The following CEP83 variants were observed in gnomAD, a reference collection of about 807,000 sequenced individuals.
CEP83 encodes the protein centrosomal protein 83.
In CEP83, 70 loss-of-function variants were observed where a neutral mutation model predicts 101.9. That is an observed-to-expected ratio of 0.69 (90% CI 0.57 to 0.84). CEP83 has a LOEUF of 0.84. Ranked by LOEUF, CEP83 falls within the 40% of genes least tolerant of loss-of-function variation. The probability of loss-of-function intolerance (pLI) is 0.00; values close to 1 mark genes in which losing one functional copy is unlikely to be tolerated. For missense variants in CEP83, 715 were observed against 787.2 expected (o/e 0.91, Z 1.10); for synonymous variants, 264 against 267.9 (o/e 0.99, Z 0.14).
chr12:94,378,835 C>T lies in CEP83; in HGVS notation c.757G>A (p.Val253Met), dbSNP rs190707683. 3 of 1,614,108 alleles carry T rather than the reference C, an allele frequency of 1.9e-6. No homozygotes were observed. Among genetic ancestry groups the T allele is most frequent in the Admixed American group, 3.3e-5 (2 of 59,996 alleles). ...AQVENAQRIQ[V>M]RQLAEMQATV... is the part of the protein sequence containing the mutation. ...GCCTGCATCTCAGCCAACTGCCGCA[C>T]CTGTATTCTTTGGGCATTTTCCACC... The change falls in exon 7 of 17, where the codon GTG (valine) becomes ATG (methionine). Residue 253 changes from valine (V) to methionine (M), a missense_variant. Physicochemically the swap from Val to Met is conservative, Grantham distance 21 (BLOSUM62 1). Coordinates refer to ENST00000397809, the MANE Select transcript of CEP83 (RefSeq NM_016122.3).
In CEP83 at chr12:94,452,197, T is replaced by A. The variant is rs376381096; in HGVS notation, c.-155+7360A>T. Reference sequence around the variant, plus strand: ...TCTGGGGCTGTGGGAAGGAGTTACCTTAAATGCAAATAAGCTTGAGAGAAT... The same window carrying A: ...TCTGGGGCTGTGGGAAGGAGTTACCATAAATGCAAATAAGCTTGAGAGAAT... On this transcript the variant is annotated intron_variant, in intron 1 of 16. Coordinates refer to ENST00000397809, the MANE Select transcript of CEP83 (RefSeq NM_016122.3). 4.6e-5 allele frequency among the ~76,000 whole-genome samples: 7 copies of A among 152,256 alleles called. 1 individual carries two copies. Among genetic ancestry groups the A allele is most frequent in the African/African-American group, 1.7e-4 (7 of 41,560 alleles).
At chr12:94,332,894 G>A (rs1174179758) in intron 13 of CEP83, among the ~76,000 whole-genome samples, 1 of 151,910 alleles carries the variant, frequency 6.6e-6, no homozygotes, top group Non-Finnish European at 1.5e-5. Flanking sequence ...AGGCCAACAT[G>A]TTATAAAGAC....
intron 4 of CEP83, among the ~76,000 whole-genome samples, chr12:94,408,605 G>T (rs2063694121): frequency 6.6e-6 from 1 of 151,530 alleles, no homozygotes; most frequent in East Asian, 1.9e-4. Flanking sequence ...TTTGAGTCAG[G>T]GTCTCGCGCT....
chr12:94,377,996 GA>G (rs144226819), intron 7 of CEP83, among the ~76,000 whole-genome samples: 11 of 148,874 alleles, frequency 7.4e-5, no homozygotes, highest in East Asian at 2.0e-4. Context: ...ACTGGCTGGG[GA>G]AAAAAAAAAT....
At chr12:94,290,669 G>C in the CEP83 span, among the ~76,000 whole-genome samples, 4 of 152,258 alleles carry the variant, frequency 2.6e-5, no homozygotes, top group Non-Finnish European at 4.4e-5. Flanking sequence ...AAGGAGATTA[G>C]GTTTTAATCC....
At chr12:94,375,421 G>A (rs143701862) in intron 8 of CEP83, among the ~76,000 whole-genome samples, 2 of 152,256 alleles carry the variant, frequency 1.3e-5, no homozygotes, top group Non-Finnish European at 2.9e-5. Flanking sequence ...AGGCCAAAGG[G>A]AGCAAAGTGA....
At chr12:94,380,071 C>CAAA (rs11362391) in intron 6 of CEP83, among the ~76,000 whole-genome samples, 4 of 83,182 alleles carry the variant, frequency 4.8e-5, no homozygotes, top group Non-Finnish European at 4.7e-5. Context: ...CCCGGCCCTG[C>CAAA]AAAAAAAAAA....
intron 11 of CEP83, among the ~76,000 whole-genome samples, chr12:94,343,303 G>C (rs1423019474): frequency 6.6e-6 from 1 of 151,916 alleles, no homozygotes; most frequent in African/African-American, 2.4e-5. Flanking sequence ...TGCAGGGTCA[G>C]CACCGTGAGA....
chr12:94,276,381 T>A, the CEP83 span, among the ~76,000 whole-genome samples: 3 of 147,824 alleles, frequency 2.0e-5, no homozygotes, highest in African/African-American at 5.0e-5. Context: ...CTCCCACTGG[T>A]GTGGGGAATT....
intron 8 of CEP83, 59 bp from the exon 9 acceptor site, chr12:94,370,095 C>A (rs1024969690): frequency 6.4e-6 from 6 of 933,872 alleles, no homozygotes; most frequent in African/African-American, 1.6e-5. Context: ...TCAATACTTA[C>A]CCCAAAACAT....
intron 6 of CEP83, among the ~76,000 whole-genome samples, chr12:94,383,990 G>A (rs542071240): frequency 6.6e-6 from 1 of 152,028 alleles, no homozygotes; most frequent in Admixed American, 6.5e-5. Context: ...ACAAAATTTA[G>A]AAAATTCATG....
chr12:94,370,721 C>CT (rs1357591829), intron 8 of CEP83, among the ~76,000 whole-genome samples: 1 of 152,136 alleles, frequency 6.6e-6, no homozygotes, highest in East Asian at 1.9e-4. Context: ...GATACAGTAA[C>CT]TTGCACCTAA....
the CEP83 span, among the ~76,000 whole-genome samples, chr12:94,276,259 G>C: frequency 6.6e-6 from 1 of 152,152 alleles, no homozygotes; most frequent in East Asian, 1.9e-4. Flanking sequence ...AACTGAAGTA[G>C]CTTAACTGCA....
chr12:94,408,262 T>C (rs2063668756), intron 4 of CEP83, among the ~76,000 whole-genome samples: 1 of 152,214 alleles, frequency 6.6e-6, no homozygotes, highest in African/African-American at 2.4e-5. Flanking sequence ...CATTTAATAA[T>C]CTAAAATAGG....
chr12:94,303,371 G>A (rs941181461), downstream of CEP83, among the ~76,000 whole-genome samples: 1 of 152,190 alleles, frequency 6.6e-6, no homozygotes, highest in African/African-American at 2.4e-5. Flanking sequence ...CAAATTCACT[G>A]GTGGGTGAGG....
chr12:94,448,319 A>T (rs886241660), intron 1 of CEP83, among the ~76,000 whole-genome samples: 2 of 152,182 alleles, frequency 1.3e-5, no homozygotes, highest in African/African-American at 4.8e-5. Flanking sequence ...AAAAAAAGAG[A>T]TAATTAAAAA....
chr12:94,312,157 AGGC>A (rs1969966032), intron 15 of CEP83, among the ~76,000 whole-genome samples: 1 of 152,240 alleles, frequency 6.6e-6, no homozygotes, highest in Non-Finnish European at 1.5e-5. Context: ...AATAAACTAA[AGGC>A]GGCCTCCTAC....
chr12:94,357,247 T>A (rs1038139761), intron 11 of CEP83, among the ~76,000 whole-genome samples: 8 of 152,124 alleles, frequency 5.3e-5, no homozygotes, highest in Non-Finnish European at 1.2e-4. Context: ...GTAATCTGCA[T>A]AAAGCTACCT....
At position 94,436,597 on chromosome 12, in the gene CEP83, C is replaced by T. The variant is rs557364984; in HGVS notation, c.-154-1270G>A. On this transcript the variant is annotated intron_variant, in intron 1 of 16. Transcript: ENST00000397809. ...CTTATAATCCCAGCACCTCAGGAGG[C>T]TGAGGCAGGTGGACCACAAGGTCAG... Among the ~76,000 whole-genome samples the T allele has an allele frequency of 1.9e-4, 29 of 152,124 alleles. No individual in the cohort carries two copies. The South Asian group carries it at 5.6e-3, about 29-fold the overall frequency.
Sources: gnomAD v4.1 joint callset for allele counts (sites outside exome capture counted in the v4.1 genomes callset) on GRCh38, gnomAD v4.1.1 for gene constraint, MANE v1.5 for transcripts, NCBI Gene and HGNC (gene_info 2026-07-23, HGNC 2026-07-21) for gene names.